LMNB1: variants seen among roughly 807,000 people sequenced by gnomAD.
LMNB1 encodes the protein lamin B1.
Under a neutral mutation model 67.1 loss-of-function variants are expected in LMNB1, and 23 were observed. That is an observed-to-expected ratio of 0.34 (90% CI 0.25 to 0.49). The LOEUF (loss-of-function observed/expected upper bound fraction) is 0.49, where lower values mean the gene tolerates loss of function less well. Among genes scored for constraint, LMNB1 ranks in the 20% least tolerant of loss-of-function variants. LMNB1 has a pLI of 0.99. For synonymous variants in LMNB1, 281 were observed against 282.9 expected, an observed-to-expected ratio of 0.99 and a Z score of 0.07; for missense variants, 634 against 746.5, an observed-to-expected ratio of 0.85 and a Z score of 1.76.
chr5:126,818,869 G>T (rs1751790055), intron 5 of LMNB1, 53 bp from the exon 6 acceptor site: 1 of 1,238,692 alleles, frequency 8.1e-7, no homozygotes, highest in Admixed American at 1.7e-5. Context: ...TAGCTGCCTG[G>T]TGCTAATGTT....
At chr5:126,804,733 A>G (rs757249495) in intron 1 of LMNB1, 43 bp from the exon 2 acceptor site, 1 of 1,577,288 alleles carries the variant, frequency 6.3e-7, no homozygotes, top group Admixed American at 1.8e-5. Context: ...ACCTCAAGTC[A>G]TCAGTATGGT....
At chr5:126,789,801 G>A (rs2112932042) in intron 1 of LMNB1, among the ~76,000 whole-genome samples, 1 of 152,178 alleles carries the variant, frequency 6.6e-6, no homozygotes, top group South Asian at 2.1e-4. Flanking sequence ...AGCCTCCTGA[G>A]TAGCTGGGAC....
chr5:126,800,770 A>G lies in LMNB1; in HGVS notation c.360-4006A>G, dbSNP rs370461366. Among the ~76,000 whole-genome samples, 342 of 142,304 alleles carry G rather than the reference A, an allele frequency of 2.4e-3. 1 individual carries two copies. The highest frequency in any genetic ancestry group is 7.9e-3 in the African/African-American group (303 of 38,234). 93.4% of individuals were successfully genotyped at this position (142,304 alleles called of 152,430 possible). The stretch of plus-strand genomic sequence containing the variant: ...CGGGTTCAAGCGATTCTCCCGCCTC[A>G]GCCTCCTGAGTAGCTGGGATTACAA... On this transcript the variant is annotated intron_variant, in intron 1 of 10. Coordinates refer to ENST00000261366, the MANE Select transcript of LMNB1 (RefSeq NM_005573.4).
chr5:126,827,447 G>A (rs1222071455), intron 9 of LMNB1, among the ~76,000 whole-genome samples: 1 of 152,160 alleles, frequency 6.6e-6, no homozygotes, highest in East Asian at 1.9e-4. Flanking sequence ...GATCACCTGA[G>A]GTCAGGAGTT....
intron 1 of LMNB1, among the ~76,000 whole-genome samples, chr5:126,799,818 T>C (rs144191125): frequency 1.2e-4 from 19 of 152,320 alleles, no homozygotes; most frequent in African/African-American, 4.6e-4. Flanking sequence ...TGTACATTTG[T>C]GTGGGTTAGA....
At chr5:126,818,603 A>C (rs566539070) in intron 5 of LMNB1, among the ~76,000 whole-genome samples, 1 of 152,228 alleles carries the variant, frequency 6.6e-6, no homozygotes, top group African/African-American at 2.4e-5. Flanking sequence ...AGGCTTTGTA[A>C]GGGAGCCAGA....
At chr5:126,803,200 G>T (rs1751332027) in intron 1 of LMNB1, among the ~76,000 whole-genome samples, 1 of 149,660 alleles carries the variant, frequency 6.7e-6, no homozygotes, top group Non-Finnish European at 1.5e-5. Context: ...AAAAAAAAGT[G>T]ATATTTAGAG....
intron 1 of LMNB1, among the ~76,000 whole-genome samples, chr5:126,798,554 C>T (rs1484812271): frequency 6.6e-6 from 1 of 152,050 alleles, no homozygotes; most frequent in African/African-American, 2.4e-5. Flanking sequence ...ATTCATTCAG[C>T]CTGGGAAATT....
At chr5:126,778,049 G>C (rs1392020515) in intron 1 of LMNB1, among the ~76,000 whole-genome samples, 182 bp downstream of exon 1, 2 of 152,338 alleles carry the variant, frequency 1.3e-5, no homozygotes, top group Middle Eastern at 3.4e-3. Flanking sequence ...CGGAGCAGGG[G>C]TCGCGGAGGG....
At position 126,805,622 on chromosome 5, in the gene LMNB1, C is replaced by T; in HGVS notation, c.568C>T (p.Leu190Phe). 2 of 1,611,840 alleles carry T rather than the reference C, an allele frequency of 1.2e-6. No homozygotes were observed. The highest frequency in any genetic ancestry group is 1.7e-6 in the Non-Finnish European group (2 of 1,178,082). The change falls in exon 3 of 11, where the codon CTT becomes TTT. Residue 190 changes from leucine (L) to phenylalanine (F), a missense_variant. Transcript: ENST00000261366. ...AKKQLADETL[L>F]KVDLENRCQS... ...AAAACAGTTAGCAGATGAAACTTTA[C>T]TTAAAGTAGATTTGGAGAATCGTTG...
At chr5:126,785,974 A>G (rs2112925503) in intron 1 of LMNB1, among the ~76,000 whole-genome samples, 1 of 151,466 alleles carries the variant, frequency 6.6e-6, no homozygotes, top group African/African-American at 2.4e-5. Context: ...AGATCGTGCC[A>G]CTGCACTCCA....
chr5:126,787,546 A>ATATATATATATATATATT, intron 1 of LMNB1, among the ~76,000 whole-genome samples: 1 of 65,574 alleles, frequency 1.5e-5, no homozygotes, highest in African/African-American at 6.6e-5. Context: ...ATATATATAT[A>ATATATATATATATATATT]TTTTTTTTTT....
rs368571343 is a variant in LMNB1 at position 126,818,925 on chromosome 5, A to G, written c.943A>G (p.Arg315Gly). 3 of 1,609,278 alleles carry G rather than the reference A, an allele frequency of 1.9e-6. No homozygotes were observed. Among genetic ancestry groups the G allele is most frequent in the Non-Finnish European group, 2.6e-6 (3 of 1,175,758 alleles). ...ATATGTTTCCTTGCATCTTAAGTCT[A>G]GAGCATGTTTGGAAAGGATTCAAGA... Reference protein sequence around the residue: ...SQLSNLQKESRACLERIQELE... With the variant: ...SQLSNLQKESGACLERIQELE... Residue 315 changes from arginine (R) to glycine (G), a missense_variant, in exon 6 of 11, where the codon AGA becomes GGA. Arg to Gly is a moderately radical substitution (Grantham distance 125). Coordinates refer to ENST00000261366, the MANE Select transcript of LMNB1 (RefSeq NM_005573.4).
intron 8 of LMNB1, among the ~76,000 whole-genome samples, chr5:126,823,556 T>C (rs1209161135): frequency 6.6e-6 from 1 of 152,226 alleles, no homozygotes; most frequent in Non-Finnish European, 1.5e-5. Flanking sequence ...ATGTTAACTT[T>C]GATACAGATT....
At chr5:126,834,301 G>T (rs1363235441) in intron 10 of LMNB1, among the ~76,000 whole-genome samples, 1 of 152,050 alleles carries the variant, frequency 6.6e-6, no homozygotes, top group Non-Finnish European at 1.5e-5. Context: ...CACCTCCCAG[G>T]TTCAAGAGAT....
At chr5:126,798,373 C>T (rs553124974) in intron 1 of LMNB1, among the ~76,000 whole-genome samples, 1 of 152,122 alleles carries the variant, frequency 6.6e-6, no homozygotes, top group East Asian at 1.9e-4. Context: ...TGGCGTGAAC[C>T]CAGGAGGCGG....
chr5:126,836,517 C>A lies in LMNB1; in HGVS notation c.*253C>A. The A allele has an allele frequency of 5.6e-6, 2 of 356,496 alleles. No homozygotes were observed. Among genetic ancestry groups the A allele is most frequent in the Non-Finnish European group, 9.9e-6 (2 of 201,080 alleles). The allele number at this position is 356,496 out of a possible 1,614,324, so 22.1% of individuals were successfully genotyped here. ...TGTGTACTGTTCGGAAGGGGTTCCT[C>A]AAATTTTTTGACTTTTTTTGTATGT... On this transcript the variant is annotated 3_prime_UTR_variant, in exon 11 of 11. Coordinates refer to ENST00000261366, the MANE Select transcript of LMNB1 (RefSeq NM_005573.4).
At chr5:126,798,600 T>G (rs1751172890) in intron 1 of LMNB1, among the ~76,000 whole-genome samples, 1 of 152,014 alleles carries the variant, frequency 6.6e-6, no homozygotes, top group Admixed American at 6.6e-5. Context: ...TGCATGTGAG[T>G]TTTAGAGATT....
intron 1 of LMNB1, among the ~76,000 whole-genome samples, chr5:126,800,973 A>AATT (rs1561742498): frequency 9.0e-4 from 55 of 60,790 alleles, no homozygotes; most frequent in African/African-American, 2.2e-3. Context: ...ATATATATAT[A>AATT]TATATATAAT....
Sources: allele counts gnomAD v4.1 joint callset (sites outside exome capture counted in the v4.1 genomes callset), GRCh38; gene constraint gnomAD v4.1.1; transcripts MANE v1.5; gene names NCBI Gene and HGNC (gene_info 2026-07-23, HGNC 2026-07-21).